The following ROBO2 variants were observed in gnomAD, a reference collection of about 807,000 sequenced individuals.
ROBO2 encodes roundabout guidance receptor 2.
ROBO2 carries 53 observed loss-of-function variants against 160.8 expected under a neutral mutation model. The observed-to-expected ratio is 0.33, with a 90% CI of 0.26 to 0.41. The LOEUF is 0.41. Among genes scored for constraint, ROBO2 ranks in the 10% least tolerant of loss-of-function variants. The probability of loss-of-function intolerance (pLI) is 1.00; values close to 1 mark genes in which losing one functional copy is unlikely to be tolerated. For synonymous variants in ROBO2, 664 were observed against 611.7 expected, an observed-to-expected ratio of 1.09 and a Z score of -1.26; for missense variants, 1,577 against 1,722.4, an observed-to-expected ratio of 0.92 and a Z score of 1.49.
intron 2 of ROBO2, among the ~76,000 whole-genome samples, chr3:76,036,409 CA>C (rs1412178661): frequency 2.0e-5 from 3 of 151,882 alleles, no homozygotes; most frequent in Non-Finnish European, 4.4e-5. Flanking sequence ...CTTGGCCTCC[CA>C]AAGTGCTGGG....
intron 2 of ROBO2, among the ~76,000 whole-genome samples, chr3:77,346,381 C>A (rs184651862): frequency 6.6e-6 from 1 of 152,092 alleles, no homozygotes; most frequent in African/African-American, 2.4e-5. Context: ...AACCTTCTCC[C>A]TGGGTCCAGT....
At chr3:77,083,102 T>C (rs1480699669) in intron 1 of ROBO2, among the ~76,000 whole-genome samples, 1 of 152,152 alleles carries the variant, frequency 6.6e-6, no homozygotes, top group African/African-American at 2.4e-5. Context: ...GCAGTCAGCG[T>C]ATTTTTTCAA....
At chr3:77,598,408 G>A (rs891524614) in intron 19 of ROBO2, among the ~76,000 whole-genome samples, 2 of 147,728 alleles carry the variant, frequency 1.4e-5, no homozygotes, top group East Asian at 2.0e-4. Context: ...CTACTTCATA[G>A]GTGTGTAATG....
At chr3:77,322,318 A>G (rs1019068954) in intron 2 of ROBO2, among the ~76,000 whole-genome samples, 3 of 152,154 alleles carry the variant, frequency 2.0e-5, no homozygotes, top group Admixed American at 6.6e-5. Flanking sequence ...AAAAAAATCT[A>G]TAATGAAGAG....
intron 1 of ROBO2, among the ~76,000 whole-genome samples, chr3:75,919,161 A>G (rs543789056): frequency 1.5e-4 from 23 of 152,300 alleles, no homozygotes; most frequent in Non-Finnish European, 2.9e-4. Context: ...TTAGCATGAT[A>G]TTAGCTATGC....
chr3:76,432,827 T>A (rs759686347), intron 2 of ROBO2, among the ~76,000 whole-genome samples: 1 of 149,578 alleles, frequency 6.7e-6, no homozygotes, highest in African/African-American at 2.5e-5. Flanking sequence ...TTTGAGGCTA[T>A]TACAGTGAGA....
chr3:76,917,570 A>T (rs565807416), intron 2 of ROBO2, among the ~76,000 whole-genome samples: 24 of 152,314 alleles, frequency 1.6e-4, no homozygotes, highest in African/African-American at 5.8e-4. Context: ...GTGCTGAGAG[A>T]AGAGCGCAGT....
At chr3:76,785,104 A>AT in intron 2 of ROBO2, among the ~76,000 whole-genome samples, 1 of 151,244 alleles carries the variant, frequency 6.6e-6, no homozygotes, top group East Asian at 2.0e-4. Flanking sequence ...ATTCCCACAT[A>AT]TCTTTTTTTC....
intron 2 of ROBO2, among the ~76,000 whole-genome samples, chr3:76,155,503 G>C (rs2072371577): frequency 6.6e-6 from 1 of 152,118 alleles, no homozygotes; most frequent in Non-Finnish European, 1.5e-5. Context: ...GTACATTCAG[G>C]TGATAAATCG....
chr3:76,173,964 A>G (rs567091805), intron 2 of ROBO2, among the ~76,000 whole-genome samples: 1 of 152,078 alleles, frequency 6.6e-6, no homozygotes, highest in Non-Finnish European at 1.5e-5. Flanking sequence ...GGTTGAACTA[A>G]TTTACACTCC....
chr3:77,360,819 T>G (rs900481304), intron 2 of ROBO2, among the ~76,000 whole-genome samples: 5 of 152,122 alleles, frequency 3.3e-5, no homozygotes, highest in Non-Finnish European at 7.4e-5. Flanking sequence ...CACTTTCATC[T>G]GACCACATTC....
intron 2 of ROBO2, among the ~76,000 whole-genome samples, chr3:76,787,988 A>G (rs1553905601): frequency 6.6e-6 from 1 of 151,454 alleles, no homozygotes; most frequent in Non-Finnish European, 1.5e-5. Flanking sequence ...TCTAATGTTG[A>G]GAACAGCTTA....
intron 2 of ROBO2, among the ~76,000 whole-genome samples, chr3:76,190,818 C>A (rs140604689): frequency 6.6e-6 from 1 of 151,996 alleles, no homozygotes; most frequent in African/African-American, 2.4e-5. Flanking sequence ...CTTTCTATAC[C>A]GAATTTCATT....
intron 2 of ROBO2, among the ~76,000 whole-genome samples, chr3:76,528,600 G>A (rs746650771): frequency 6.6e-6 from 1 of 151,926 alleles, no homozygotes; most frequent in South Asian, 2.1e-4. Context: ...CTTGTTAAAG[G>A]TAAGACACCT....
intron 2 of ROBO2, among the ~76,000 whole-genome samples, chr3:76,040,844 C>T (rs2067252678): frequency 6.6e-6 from 1 of 151,744 alleles, no homozygotes; most frequent in Non-Finnish European, 1.5e-5. Flanking sequence ...AAAAATTAGC[C>T]AGGTGTGGTG....
rs563690108 is a variant in ROBO2 at position 76,488,143 on chromosome 3, G to A, written c.109+550541G>A. On this transcript the variant is annotated intron_variant, in intron 2 of 26. Coordinates refer to the ROBO2 transcript ENST00000487694. ...GTTTGCATTAGTTTTCTATTGCTGC[G>A]TAACAAATGACCCGAATTAGCAGCT... Among the ~76,000 whole-genome samples the A allele has an allele frequency of 2.3e-4, 35 of 152,240 alleles. 1 individual carries two copies. Among genetic ancestry groups the A allele is most frequent in the Middle Eastern group, 6.8e-3 (2 of 294 alleles).
chr3:76,078,001 C>T (rs996548929), intron 2 of ROBO2, among the ~76,000 whole-genome samples: 1 of 152,192 alleles, frequency 6.6e-6, no homozygotes, highest in Non-Finnish European at 1.5e-5. Flanking sequence ...TGCTAACAAC[C>T]CTGCTTTCCA....
At chr3:77,219,201 C>G (rs968408676) in intron 2 of ROBO2, among the ~76,000 whole-genome samples, 1 of 151,598 alleles carries the variant, frequency 6.6e-6, no homozygotes. Flanking sequence ...AACTCAGCAC[C>G]TCAAGTCATC....
chr3:76,475,479 C>G lies in ROBO2; in HGVS notation c.109+537877C>G, dbSNP rs192739418. Among the ~76,000 whole-genome samples the G allele has an allele frequency of 3.8e-3, 577 of 151,552 alleles. 5 individuals carry two copies. Among genetic ancestry groups the G allele is most frequent in the African/African-American group, 0.013 (530 of 41,298 alleles). ...ATTTTGACAGAAAAACTTACATTAT[C>G]TGACTTTCACTTTAAAAGGATCACT... On this transcript the variant is annotated intron_variant, in intron 2 of 26. Coordinates refer to the ROBO2 transcript ENST00000487694.
Sources: gnomAD v4.1 joint callset for allele counts (sites outside exome capture counted in the v4.1 genomes callset) on GRCh38, gnomAD v4.1.1 for gene constraint, MANE v1.5 for transcripts, NCBI Gene and HGNC (gene_info 2026-07-23, HGNC 2026-07-21) for gene names.